Variants in PFKP observed in about 807,000 individuals in gnomAD.
PFKP encodes the protein ATP-dependent 6-phosphofructokinase, platelet type.
In PFKP, 101 loss-of-function variants were observed where a neutral mutation model predicts 94.3. That is an observed-to-expected ratio of 1.07 (90% CI 0.91 to 1.26). The LOEUF is 1.26. Ranked by LOEUF, PFKP falls within the 50% of genes most tolerant of loss-of-function variation. The pLI, the probability that PFKP is intolerant of heterozygous loss-of-function variation, is 0.00. For missense variants in PFKP, 1,145 were observed against 1,103.3 expected (o/e 1.04, Z -0.53); for synonymous variants, 573 against 432.6 (o/e 1.32, Z -4.03).
chr10:3,091,875 G>A (rs1834067420), intron 2 of PFKP, among the ~76,000 whole-genome samples: 1 of 152,206 alleles, frequency 6.6e-6, no homozygotes, highest in African/African-American at 2.4e-5. Context: ...AACAATATCA[G>A]AGCTGTCTTT....
intron 8 of PFKP, among the ~76,000 whole-genome samples, chr10:3,108,272 C>T (rs1204783632): frequency 6.6e-6 from 1 of 152,226 alleles, no homozygotes; most frequent in Non-Finnish European, 1.5e-5. Flanking sequence ...TGCCCATGGG[C>T]TGGGGCGAGG....
intron 10 of PFKP, among the ~76,000 whole-genome samples, chr10:3,110,374 T>TTTG (rs1836066280): frequency 8.5e-6 from 1 of 118,260 alleles, no homozygotes; most frequent in Non-Finnish European, 1.7e-5. Flanking sequence ...AATTTTTTTT[T>TTTG]TTTTTTTTTT....
At chr10:3,118,665 G>T (rs112639679) in intron 14 of PFKP, 117 bp from the exon 15 acceptor site, 5 of 651,428 alleles carry the variant, frequency 7.7e-6, no homozygotes, top group Admixed American at 5.3e-5. Context: ...GACGTTTACC[G>T]CTCCTTAATT....
intron 1 of PFKP, among the ~76,000 whole-genome samples, chr10:3,069,733 G>GA (rs1398187525): frequency 6.6e-6 from 1 of 151,602 alleles, no homozygotes; most frequent in South Asian, 2.1e-4. Flanking sequence ...AAAAAAGAAA[G>GA]AAAAAAAATT....
chr10:3,072,894 G>A (rs1407311421), intron 1 of PFKP, among the ~76,000 whole-genome samples: 1 of 151,966 alleles, frequency 6.6e-6, no homozygotes, highest in Non-Finnish European at 1.5e-5. Flanking sequence ...AAGAAAGTGC[G>A]GGTGAATATA....
At chr10:3,099,183 C>T in intron 2 of PFKP, 92 bp from the exon 3 acceptor site, 1 of 991,818 alleles carries the variant, frequency 1.0e-6, no homozygotes, top group Non-Finnish European at 1.6e-6. Flanking sequence ...CTGACATTCA[C>T]TGTCATTTTT....
At chr10:3,088,109 T>C in intron 2 of PFKP, among the ~76,000 whole-genome samples, 1 of 150,326 alleles carries the variant, frequency 6.7e-6, no homozygotes, top group East Asian at 2.0e-4. Flanking sequence ...ACTCGTCATT[T>C]ACATTAGGTA....
chr10:3,100,076 TGTGTGTGTGA>T (rs1369920440), intron 3 of PFKP, among the ~76,000 whole-genome samples: 25 of 149,886 alleles, frequency 1.7e-4, no homozygotes, highest in Non-Finnish European at 3.3e-4. Context: ...TGTGTGTGTG[TGTGTGTGTGA>T]AAGAGAGTGA....
chr10:3,127,452 AGGGTGGGCTGC>A (rs67490219), intron 16 of PFKP, among the ~76,000 whole-genome samples: 130 of 152,338 alleles, frequency 8.5e-4, no homozygotes, highest in Non-Finnish European at 1.5e-3. Context: ...TCCCCACCTC[AGGGTGGGCTGC>A]GGGGGAGATT....
chr10:3,133,205 A>G lies in PFKP; in HGVS notation c.1913A>G (p.Asn638Ser), dbSNP rs1361189073. The part of the protein sequence containing the change: ...TTIQRGLVLR[N>S]ESCSENYTTD... ...TGACTCCTTCTCGCTCGTTTCAGAAATGAGAGCTGCAGTGAAAACTACACC... is the reference window on the plus strand; with the variant it reads ...TGACTCCTTCTCGCTCGTTTCAGAAGTGAGAGCTGCAGTGAAAACTACACC... The change falls in exon 19 of 22, where the codon AAT becomes AGT. Residue 638 changes from asparagine (N) to serine (S), a missense_variant and splice_region_variant. Asn to Ser is a conservative substitution (Grantham distance 46). Coordinates refer to ENST00000381125, the MANE Select transcript of PFKP (RefSeq NM_002627.5). The G allele has an allele frequency of 6.2e-7, 1 of 1,611,978 alleles. No individual in the cohort carries two copies. Among genetic ancestry groups the G allele is most frequent in the African/African-American group, 1.3e-5 (1 of 74,886 alleles).
intron 13 of PFKP, 38 bp downstream of exon 13, chr10:3,113,556 T>C: frequency 6.3e-7 from 1 of 1,599,418 alleles, no homozygotes; most frequent in African/African-American, 1.3e-5. Flanking sequence ...GCAGACACCC[T>C]GGCTGTGAGC....
At chr10:3,135,414 G>C (rs1839135971) in intron 20 of PFKP, among the ~76,000 whole-genome samples, 1 of 52,008 alleles carries the variant, frequency 1.9e-5, no homozygotes, top group African/African-American at 8.0e-5. Context: ...TTGCCTCTCA[G>C]TGTGTGTATG....
rs1839409766 is a variant in PFKP at position 3,136,675 on chromosome 10, C to T, written c.*96C>T. On this transcript the variant is annotated 3_prime_UTR_variant, in exon 22 of 22. Transcript: ENST00000381125. ...CAGCACTTTATGCACGTATTATTGA[C>T]ATTAATACCTAATCGGCGAGTGCCC... is the stretch of plus-strand genomic sequence containing the variant. 4 of 1,346,940 alleles carry T rather than the reference C, an allele frequency of 3.0e-6. No homozygotes were observed. Among genetic ancestry groups the T allele is most frequent in the Non-Finnish European group, 4.1e-6 (4 of 970,880 alleles). 83.4% of individuals were successfully genotyped at this position (1,346,940 alleles called of 1,614,324 possible). A position where few individuals can be genotyped will look rare whatever the true frequency, so the allele number is the denominator to read the frequency against.
rs547106687 is a variant in PFKP, at chr10:3,117,520, G to A, written c.1442+674G>A. On this transcript the variant is annotated intron_variant, in intron 14 of 21. Transcript: ENST00000381125. ...TAAATGATGGATTCCATGTAATTCCGGCTTATTGTTCCAAGGGAGTTAGCT... is the reference window on the plus strand; with the variant it reads ...TAAATGATGGATTCCATGTAATTCCAGCTTATTGTTCCAAGGGAGTTAGCT... Among the ~76,000 whole-genome samples, 74 of 152,266 alleles carry A rather than the reference G, an allele frequency of 4.9e-4. No homozygotes were observed. In the South Asian group the frequency reaches 7.5e-3, roughly 15 times the overall value.
chr10:3,113,470 C>T lies in PFKP; in HGVS notation c.1323C>T (p.His441=), dbSNP rs148079540. The part of the protein sequence containing the change: ...SAVRVGIADG[H]RMLAIYDGFD... ...TGCGCGTGGGCATTGCCGACGGCCACAGGATGCTCGCCATCTATGATGGCT... is the reference window on the plus strand; with the variant it reads ...TGCGCGTGGGCATTGCCGACGGCCATAGGATGCTCGCCATCTATGATGGCT... The change falls in exon 13 of 22, where the codon CAC becomes CAT. Residue 441 remains histidine, a synonymous_variant. Transcript: ENST00000381125. 2.0e-5 allele frequency: 32 copies of T among 1,613,320 alleles called. No homozygotes were observed. In the African/African-American group the frequency reaches 3.5e-4, roughly 17 times the overall value.
chr10:3,099,155 C>T (rs994435215), intron 2 of PFKP, 120 bp from the exon 3 acceptor site: 1 of 772,302 alleles, frequency 1.3e-6, no homozygotes, highest in Non-Finnish European at 2.2e-6. Context: ...TGTCTTCTGA[C>T]CAGTGGATGC....
intron 2 of PFKP, among the ~76,000 whole-genome samples, chr10:3,091,286 G>C (rs1416575774): frequency 6.6e-6 from 1 of 152,110 alleles, no homozygotes; most frequent in Non-Finnish European, 1.5e-5. Context: ...ATGATACTAA[G>C]TATATCAGAT....
chr10:3,075,608 G>A (rs924671410), intron 1 of PFKP, among the ~76,000 whole-genome samples: 5 of 145,794 alleles, frequency 3.4e-5, no homozygotes, highest in East Asian at 4.0e-4. Context: ...GCAGGGGGCC[G>A]GGAGTGGGGG....
Position 3,079,029 on chromosome 10 carries a change from C to CG in PFKP, c.113-3354dup, listed in dbSNP as rs567558206. Among the ~76,000 whole-genome samples, 192 of 152,310 alleles carry CG rather than the reference C, an allele frequency of 1.3e-3. 2 individuals are homozygous for CG. The highest frequency in any genetic ancestry group is 4.4e-3 in the African/African-American group (182 of 41,578). On this transcript the variant is annotated intron_variant, in intron 1 of 21. Coordinates refer to ENST00000381125, the MANE Select transcript of PFKP (RefSeq NM_002627.5). Reference sequence around the variant, plus strand: ...AGGCTCCCTCTCCACCTGTGAAACCCGGGGGCAGCCCAGCTACATGGGGGT... The same window carrying CG: ...AGGCTCCCTCTCCACCTGTGAAACCCGGGGGGCAGCCCAGCTACATGGGGGT...
Sources: allele counts gnomAD v4.1 joint callset (sites outside exome capture counted in the v4.1 genomes callset), GRCh38; gene constraint gnomAD v4.1.1; transcripts MANE v1.5; gene names NCBI Gene and HGNC (gene_info 2026-07-23, HGNC 2026-07-21).